The following LRFN5 variants were observed in gnomAD, a reference collection of about 807,000 sequenced individuals.
LRFN5 encodes leucine rich repeat and fibronectin type III domain containing 5, also known as leucine-rich repeat and fibronectin type-III domain-containing protein 5.
LRFN5 carries 24 observed loss-of-function variants against 45.6 expected under a neutral mutation model. The ratio of observed to expected loss-of-function variants is 0.53; its 90% confidence interval spans 0.38 to 0.74. The LOEUF (loss-of-function observed/expected upper bound fraction) is 0.74, where lower values mean the gene tolerates loss of function less well. Among genes scored for constraint, LRFN5 ranks in the 30% least tolerant of loss-of-function variants. LRFN5 has a pLI of 0.00. For missense variants in LRFN5, 776 were observed against 861.5 expected (o/e 0.90, Z 1.24); for synonymous variants, 340 against 313.8 (o/e 1.08, Z -0.88).
At chr14:41,845,614 T>C (rs999330609) in intron 2 of LRFN5, among the ~76,000 whole-genome samples, 2 of 152,128 alleles carry the variant, frequency 1.3e-5, no homozygotes, top group African/African-American at 2.4e-5. Context: ...TTCTGACATA[T>C]ATAAATGTGA....
chr14:41,647,642 A>T (rs188467159), intron 1 of LRFN5, among the ~76,000 whole-genome samples: 1 of 152,290 alleles, frequency 6.6e-6, no homozygotes, highest in African/African-American at 2.4e-5. Flanking sequence ...AGGCTGAAGG[A>T]TATGGCTCAT....
chr14:41,671,054 A>G (rs1301449697), intron 1 of LRFN5, among the ~76,000 whole-genome samples: 1 of 151,818 alleles, frequency 6.6e-6, no homozygotes, highest in Non-Finnish European at 1.5e-5. Flanking sequence ...TAAAATTAAT[A>G]TTTAATTTTC....
chr14:41,895,951 C>T (rs979139670), intron 4 of LRFN5, among the ~76,000 whole-genome samples: 2 of 152,020 alleles, frequency 1.3e-5, no homozygotes, highest in African/African-American at 4.8e-5. Context: ...CTCCAGACAT[C>T]TTTTTCTTTT....
At chr14:41,737,191 T>C (rs1402384995) in intron 1 of LRFN5, among the ~76,000 whole-genome samples, 1 of 152,056 alleles carries the variant, frequency 6.6e-6, no homozygotes, top group Non-Finnish European at 1.5e-5. Flanking sequence ...GCAAGGCTGG[T>C]TCAATATATG....
At chr14:41,764,718 G>C (rs887103502) in intron 1 of LRFN5, among the ~76,000 whole-genome samples, 1 of 151,836 alleles carries the variant, frequency 6.6e-6, no homozygotes, top group African/African-American at 2.4e-5. Flanking sequence ...AGAGCTGCAC[G>C]GACAATGAGG....
chr14:41,816,825 A>C (rs1011296337), intron 2 of LRFN5, among the ~76,000 whole-genome samples: 3 of 152,014 alleles, frequency 2.0e-5, no homozygotes, highest in Non-Finnish European at 2.9e-5. Context: ...ATAATTTGGG[A>C]AAAATCTCAG....
chr14:41,690,944 A>G (rs1407324714), intron 1 of LRFN5, among the ~76,000 whole-genome samples: 1 of 152,012 alleles, frequency 6.6e-6, no homozygotes, highest in African/African-American at 2.4e-5. Flanking sequence ...TTTTAGGCTT[A>G]TTAGTGATAA....
chr14:41,842,766 A>T (rs1323379153), intron 2 of LRFN5, among the ~76,000 whole-genome samples: 1 of 152,092 alleles, frequency 6.6e-6, no homozygotes, highest in Non-Finnish European at 1.5e-5. Flanking sequence ...ATCTTATCTA[A>T]CATTTAATAT....
At chr14:41,657,273 C>T (rs1309982755) in intron 1 of LRFN5, among the ~76,000 whole-genome samples, 1 of 151,746 alleles carries the variant, frequency 6.6e-6, no homozygotes. Context: ...GTAAGTGGGG[C>T]TATGTTTTTA....
At chr14:41,877,438 A>G (rs960316733) in intron 2 of LRFN5, among the ~76,000 whole-genome samples, 5 of 152,196 alleles carry the variant, frequency 3.3e-5, no homozygotes, top group African/African-American at 1.2e-4. Context: ...AGGCATGATC[A>G]TGACAAATTT....
chr14:41,711,399 A>T (rs754479565), intron 1 of LRFN5, among the ~76,000 whole-genome samples: 3 of 152,166 alleles, frequency 2.0e-5, no homozygotes, highest in Non-Finnish European at 4.4e-5. Context: ...TGAGGGTCTC[A>T]TAGGAGTTGC....
chr14:41,647,269 C>T (rs771253082), intron 1 of LRFN5, among the ~76,000 whole-genome samples: 11 of 152,088 alleles, frequency 7.2e-5, no homozygotes, highest in Non-Finnish European at 1.5e-4. Context: ...ATGACAAATG[C>T]CTACTCCTTG....
intron 1 of LRFN5, among the ~76,000 whole-genome samples, chr14:41,723,742 C>A (rs1420988724): frequency 2.6e-5 from 4 of 152,122 alleles, no homozygotes; most frequent in Admixed American, 2.6e-4. Flanking sequence ...AATTCTAGCA[C>A]CTACTACTGA....
At chr14:41,661,327 A>G (rs1880644145) in intron 1 of LRFN5, among the ~76,000 whole-genome samples, 1 of 151,940 alleles carries the variant, frequency 6.6e-6, no homozygotes, top group African/African-American at 2.4e-5. Context: ...TGCTCTTCAT[A>G]AGAAACACCC....
At chr14:41,624,027 A>C (rs1314052451) in intron 1 of LRFN5, among the ~76,000 whole-genome samples, 1 of 152,102 alleles carries the variant, frequency 6.6e-6, no homozygotes, top group African/African-American at 2.4e-5. Flanking sequence ...ACATGTGCAG[A>C]AATAATCTCC....
chr14:41,765,325 G>A (rs1885838502), intron 1 of LRFN5, among the ~76,000 whole-genome samples: 1 of 142,862 alleles, frequency 7.0e-6, no homozygotes, highest in African/African-American at 2.6e-5. Flanking sequence ...CTGGGCTACT[G>A]AGCGAGACTC....
intron 4 of LRFN5, 139 bp from the exon 5 acceptor site, chr14:41,898,778 A>C: frequency 1.4e-6 from 1 of 736,054 alleles, no homozygotes. Flanking sequence ...TGAACTGGTA[A>C]GTTTTTTAAA....
chr14:41,852,949 T>TTGC (rs1889323367), intron 2 of LRFN5, among the ~76,000 whole-genome samples: 1 of 152,014 alleles, frequency 6.6e-6, no homozygotes, highest in African/African-American at 2.4e-5. Context: ...TTGTGTTTTC[T>TTGC]TGCTGCCAAG....
chr14:41,878,849 T>A (rs1957871), intron 2 of LRFN5, among the ~76,000 whole-genome samples: 86,326 of 151,858 alleles, frequency 0.57, 24,611 homozygotes, highest in East Asian at 0.71. Context: ...TTTACATTGA[T>A]TTTTTAAAAG....
Sources: allele counts gnomAD v4.1 joint callset (sites outside exome capture counted in the v4.1 genomes callset), GRCh38; gene constraint gnomAD v4.1.1; transcripts MANE v1.5; gene names NCBI Gene and HGNC (gene_info 2026-07-23, HGNC 2026-07-21).